Variants in PEX5L observed in about 807,000 individuals in gnomAD.
PEX5L encodes peroxisomal biogenesis factor 5 like, also known as PEX5-related protein.
Under a neutral mutation model 84.0 loss-of-function variants are expected in PEX5L, and 30 were observed. The ratio of observed to expected loss-of-function variants is 0.36; its 90% confidence interval spans 0.27 to 0.48. PEX5L has a LOEUF of 0.48. Ranked by LOEUF, PEX5L falls within the 20% of genes least tolerant of loss-of-function variation. The pLI, the probability that PEX5L is intolerant of heterozygous loss-of-function variation, is 0.99. For missense variants in PEX5L, 533 were observed against 754.6 expected, an observed-to-expected ratio of 0.71 and a Z score of 3.44; for synonymous variants, 270 against 283.1, an observed-to-expected ratio of 0.95 and a Z score of 0.46.
intron 8 of PEX5L, among the ~76,000 whole-genome samples, chr3:179,823,639 A>G (rs1729318795): frequency 6.6e-6 from 1 of 152,192 alleles, no homozygotes; most frequent in Admixed American, 6.5e-5. Flanking sequence ...TTTCTCCATG[A>G]TGTTTTCTTC....
In PEX5L at chr3:179,820,092, G is replaced by A. The variant is rs1183127495; in HGVS notation, c.823-116C>T. 4.1e-6 allele frequency: 6 copies of A among 1,451,852 alleles called. No homozygotes were observed. The East Asian group carries it at 1.1e-4, about 28-fold the overall frequency. The allele number at this position is 1,451,852 out of a possible 1,614,324, so 89.9% of individuals were successfully genotyped here. A position where few individuals can be genotyped will look rare whatever the true frequency, so the allele number is the denominator to read the frequency against. On this transcript the variant is annotated intron_variant, in intron 8 of 14. Coordinates refer to ENST00000467460, the MANE Select transcript of PEX5L (RefSeq NM_016559.3). ...TCTGGGGAGGAATAAAATGGCTGAT[G>A]ACATCCAACTGATAGGCGTGGCTGA...
intron 2 of PEX5L, among the ~76,000 whole-genome samples, chr3:179,918,491 T>G (rs183594127): frequency 1.3e-5 from 2 of 152,322 alleles, no homozygotes; most frequent in African/African-American, 4.8e-5. Context: ...ACAGTAGCTT[T>G]TTTAAGCGTC....
chr3:179,899,031 T>C (rs1406446036), intron 2 of PEX5L, among the ~76,000 whole-genome samples: 4 of 152,052 alleles, frequency 2.6e-5, no homozygotes, highest in Admixed American at 2.0e-4. Context: ...TACAAATGTA[T>C]ATGTATATAT....
At chr3:179,921,748 T>C (rs1471348349) in intron 2 of PEX5L, 1 of 152,302 alleles carries the variant, frequency 6.6e-6, no homozygotes, top group Non-Finnish European at 1.5e-5. Flanking sequence ...GCAGTCCATC[T>C]GGGCCTCTAG....
chr3:179,797,459 GTTAATATT>G lies in PEX5L; in HGVS notation c.*4361_*4368del, dbSNP rs1173839777. 1 of 151,822 alleles carries G rather than the reference GTTAATATT, an allele frequency of 6.6e-6. No individual in the cohort carries two copies. The highest frequency in any genetic ancestry group is 1.5e-5 in the Non-Finnish European group (1 of 67,962). 9.4% of individuals were successfully genotyped at this position (151,822 alleles called of 1,614,324 possible). The stretch of plus-strand genomic sequence containing the variant: ...CAGTCAAGTTATCTTGCATGCTTTG[GTTAATATT>G]TGAGTAGGCAAATTTGCAATACTAA... On this transcript the variant is annotated 3_prime_UTR_variant, in exon 15 of 15. Coordinates refer to ENST00000467460, the MANE Select transcript of PEX5L (RefSeq NM_016559.3).
At chr3:179,900,205 GAGAGC>G (rs1349352748) in intron 2 of PEX5L, among the ~76,000 whole-genome samples, 2 of 152,092 alleles carry the variant, frequency 1.3e-5, no homozygotes, top group African/African-American at 4.8e-5. Flanking sequence ...CGTTTTTCAA[GAGAGC>G]AAAGTCATTT....
chr3:179,802,180 T>C (rs1719119596), intron 14 of PEX5L, 148 bp from the exon 15 acceptor site: 5 of 640,384 alleles, frequency 7.8e-6, no homozygotes, highest in Non-Finnish European at 1.4e-5. Flanking sequence ...TGAACAACTT[T>C]CTAATTCTCT....
intron 1 of PEX5L, among the ~76,000 whole-genome samples, chr3:179,984,122 G>A (rs1238350918): frequency 2.0e-5 from 3 of 152,014 alleles, no homozygotes; most frequent in Non-Finnish European, 2.9e-5. Flanking sequence ...TCAAGTTTTG[G>A]TGTAGTATGA....
intron 2 of PEX5L, among the ~76,000 whole-genome samples, chr3:179,916,432 A>T (rs558475146): frequency 1.3e-5 from 2 of 152,268 alleles, no homozygotes; most frequent in South Asian, 2.1e-4. Context: ...TATAAAAAAT[A>T]AAAAAATGGT....
chr3:179,891,949 T>C (rs1187131938), intron 3 of PEX5L, among the ~76,000 whole-genome samples: 1 of 152,206 alleles, frequency 6.6e-6, no homozygotes, highest in African/African-American at 2.4e-5. Flanking sequence ...TCTTTCCTTA[T>C]GCATTAGTAG....
chr3:179,907,676 T>A (rs2109136065), intron 2 of PEX5L, among the ~76,000 whole-genome samples: 1 of 152,284 alleles, frequency 6.6e-6, no homozygotes, highest in Non-Finnish European at 1.5e-5. Flanking sequence ...AATTATTGAA[T>A]CTAAGAGCAA....
At chr3:179,808,995 A>C (rs1459031335) in intron 12 of PEX5L, among the ~76,000 whole-genome samples, 1 of 129,830 alleles carries the variant, frequency 7.7e-6, no homozygotes, top group Non-Finnish European at 1.6e-5. Context: ...AATGGCGTGA[A>C]CCCGGGAGGC....
intron 4 of PEX5L, among the ~76,000 whole-genome samples, chr3:179,885,354 G>A (rs995075777): frequency 6.6e-6 from 1 of 152,136 alleles, no homozygotes; most frequent in Non-Finnish European, 1.5e-5. Context: ...CTTATAAAAA[G>A]GGGAAATTTG....
Position 179,880,084 on chromosome 3 carries a change from G to T in PEX5L, c.350C>A (p.Pro117Gln), listed in dbSNP as rs1753715061. The stretch of plus-strand genomic sequence containing the variant: ...GGCTTTGGTTTGGGTTTGAGAGACT[G>T]GTTCACTCAGGTCGAGGAGATCTAA... ...TGLDLLDLSE[P>Q]VSQTQTKAKK... Residue 117 changes from proline (P) to glutamine (Q), a missense_variant, in exon 5 of 15, where the codon CCA becomes CAA. By Grantham distance (76) the Pro-to-Gln change is moderately conservative. This residue lies in a region of PEX5L where 259 missense variants were observed against 301.7 expected (regional missense o/e 0.86). Transcript: ENST00000467460. 6.2e-7 allele frequency: 1 copy of T among 1,613,124 alleles called. No homozygotes were observed.
intron 1 of PEX5L, chr3:179,973,110 A>G: frequency 8.9e-7 from 1 of 1,126,828 alleles, no homozygotes; most frequent in South Asian, 1.6e-5. Flanking sequence ...AGTGTCTCTA[A>G]TGTAAAACAC....
chr3:179,849,750 TG>T (rs1400833791), intron 8 of PEX5L, among the ~76,000 whole-genome samples: 1 of 152,260 alleles, frequency 6.6e-6, no homozygotes, highest in African/African-American at 2.4e-5. Context: ...ATAGAGTTTA[TG>T]TCTTTTCATG....
At chr3:179,832,608 C>T (rs1733531652) in intron 8 of PEX5L, among the ~76,000 whole-genome samples, 1 of 143,968 alleles carries the variant, frequency 6.9e-6, no homozygotes, top group African/African-American at 2.5e-5. Flanking sequence ...ACCTACCTAC[C>T]CACCTACCCA....
At position 179,799,002 on chromosome 3, in the gene PEX5L, C is replaced by G. The variant is rs987426575; in HGVS notation, c.*2826G>C. On this transcript the variant is annotated 3_prime_UTR_variant, in exon 15 of 15. Transcript: ENST00000467460. ...CGGTGCAATCTCGGCTCACTGCAACCTCCGCCTCCCTGGTTCAAGTGATTC... is the reference window on the plus strand; with the variant it reads ...CGGTGCAATCTCGGCTCACTGCAACGTCCGCCTCCCTGGTTCAAGTGATTC... 3.3e-5 allele frequency: 5 copies of G among 152,240 alleles called. No homozygotes were observed. The highest frequency in any genetic ancestry group is 9.7e-5 in the African/African-American group (4 of 41,422). 9.4% of individuals were successfully genotyped at this position (152,240 alleles called of 1,614,324 possible).
intron 9 of PEX5L, among the ~76,000 whole-genome samples, 153 bp downstream of exon 9, chr3:179,819,707 T>A (rs945568587): frequency 1.4e-4 from 21 of 152,236 alleles, no homozygotes; most frequent in Admixed American, 1.2e-3. Flanking sequence ...TTACGTTGTC[T>A]CATTCTATCA....
Sources: gnomAD v4.1 joint callset for allele counts (sites outside exome capture counted in the v4.1 genomes callset) on GRCh38, gnomAD v4.1.1 for gene constraint, gnomAD v4.1.1 regional missense constraint, MANE v1.5 for transcripts, NCBI Gene and HGNC (gene_info 2026-07-23, HGNC 2026-07-21) for gene names.